SYCP2: variants seen among roughly 807,000 people sequenced by gnomAD.
The protein encoded by SYCP2 is synaptonemal complex protein 2.
A neutral mutation model predicts 211.3 loss-of-function variants in SYCP2; 55 were observed. That is an observed-to-expected ratio of 0.26 (90% confidence interval 0.21 to 0.33). The LOEUF is 0.33. Among genes scored for constraint, SYCP2 ranks in the 10% least tolerant of loss-of-function variants. The pLI is 1.00. For synonymous variants in SYCP2, 570 were observed against 555.2 expected (o/e 1.03, Z -0.37); for missense variants, 1,731 against 1,752.0 (o/e 0.99, Z 0.21).
At chr20:59,915,230 G>A in intron 9 of SYCP2, 31 bp from the exon 10 acceptor site, 1 of 1,478,158 alleles carries the variant, frequency 6.8e-7, no homozygotes, top group South Asian at 1.2e-5. Flanking sequence ...TTACAAAATA[G>A]ACCAGTATCA....
chr20:59,925,871 A>C (rs1005690854), intron 2 of SYCP2, among the ~76,000 whole-genome samples: 3 of 152,020 alleles, frequency 2.0e-5, no homozygotes, highest in Admixed American at 2.0e-4. Context: ...GTTCATTTAG[A>C]TGAAGTGAAG....
chr20:59,900,940 C>A, intron 16 of SYCP2, 122 bp from the exon 17 acceptor site: 1 of 719,202 alleles, frequency 1.4e-6, no homozygotes. Context: ...GCCAAATATC[C>A]CAAATTATTA....
At chr20:59,876,856 G>T (rs1305453533) in intron 33 of SYCP2, among the ~76,000 whole-genome samples, 1 of 151,950 alleles carries the variant, frequency 6.6e-6, no homozygotes, top group Non-Finnish European at 1.5e-5. Flanking sequence ...GAATATTCAA[G>T]TAAACAAAAA....
chr20:59,866,741 G>A (rs753930222), intron 39 of SYCP2, 152 bp from the exon 40 acceptor site: 1 of 596,212 alleles, frequency 1.7e-6, no homozygotes, highest in Non-Finnish European at 2.9e-6. Context: ...TTAAACTGAA[G>A]TGTTAATAGA....
At chr20:59,882,733 C>T (rs1412068944) in intron 26 of SYCP2, among the ~76,000 whole-genome samples, 1 of 151,860 alleles carries the variant, frequency 6.6e-6, no homozygotes, top group Admixed American at 6.6e-5. Context: ...AAAAGTGAAT[C>T]TTATGGAGAT....
intron 2 of SYCP2, among the ~76,000 whole-genome samples, chr20:59,924,323 T>G (rs1220140023): frequency 6.6e-6 from 1 of 152,006 alleles, no homozygotes; most frequent in African/African-American, 2.4e-5. Context: ...TAACTACTTC[T>G]TTGGGTCTTC....
At chr20:59,897,673 A>T (rs1364315244) in intron 18 of SYCP2, among the ~76,000 whole-genome samples, 1 of 152,206 alleles carries the variant, frequency 6.6e-6, no homozygotes, top group African/African-American at 2.4e-5. Context: ...AAAAGACTAA[A>T]AAACAAAATA....
intron 24 of SYCP2, among the ~76,000 whole-genome samples, chr20:59,888,606 CCT>C (rs1491513484): frequency 1.3e-5 from 2 of 151,934 alleles, no homozygotes; most frequent in African/African-American, 2.4e-5. Flanking sequence ...AAAAATGTCC[CCT>C]CTCATTGCTT....
intron 16 of SYCP2, 145 bp from the exon 17 acceptor site, chr20:59,900,963 G>A (rs1368932343): frequency 3.1e-6 from 2 of 643,806 alleles, no homozygotes; most frequent in Non-Finnish European, 5.5e-6. Context: ...TTGCATATAT[G>A]AATACCTTCT....
chr20:59,870,849 C>T (rs1033345066), intron 35 of SYCP2, among the ~76,000 whole-genome samples: 5 of 151,784 alleles, frequency 3.3e-5, no homozygotes, highest in Non-Finnish European at 5.9e-5. Context: ...TAAATTAAGA[C>T]TATTCCACTC....
chr20:59,873,911 T>A lies in SYCP2; in HGVS notation c.3500A>T (p.Lys1167Ile). The A allele has an allele frequency of 6.2e-7, 1 of 1,613,334 alleles. No homozygotes were observed. The highest frequency in any genetic ancestry group is 8.5e-7 in the Non-Finnish European group (1 of 1,179,634). The change falls in exon 35 of 45, where the codon AAA (lysine) becomes ATA (isoleucine). Residue 1167 changes from lysine (K) to isoleucine (I), a missense_variant. This residue lies in a region of SYCP2 where 1,387 missense variants were observed against 1,351.3 expected (regional missense o/e 1.03). Transcript: ENST00000357552. ...GTIKSPKNNE[K>I]NFLCASESCS... ...ACTTTCACTTGCACACAGGAAGTTTTTCTCATTGTTTTTGGGTGACTTTAT... is the reference window on the plus strand; with the variant it reads ...ACTTTCACTTGCACACAGGAAGTTTATCTCATTGTTTTTGGGTGACTTTAT...
At chr20:59,867,995 G>GT (rs371420891) in intron 38 of SYCP2, 148 bp from the exon 39 acceptor site, 74 of 594,744 alleles carry the variant, frequency 1.2e-4, no homozygotes, top group South Asian at 2.2e-4. Flanking sequence ...AGTTCCTTAT[G>GT]TTTTTTTTAA....
chr20:59,903,209 C>CTA (rs1178310812), intron 15 of SYCP2, among the ~76,000 whole-genome samples: 2 of 152,054 alleles, frequency 1.3e-5, no homozygotes, highest in Non-Finnish European at 2.9e-5. Context: ...TCTGTCTGGA[C>CTA]TATATAATGG....
chr20:59,865,353 TATG>T (rs577578292), intron 44 of SYCP2, 32 bp downstream of exon 44: 64 of 1,535,622 alleles, frequency 4.2e-5, no homozygotes, highest in Middle Eastern at 1.7e-4. Context: ...GACATTAAAG[TATG>T]ATTATCCCAT....
At chr20:59,929,862 T>G (rs957750648) in intron 2 of SYCP2, among the ~76,000 whole-genome samples, 4 of 151,966 alleles carry the variant, frequency 2.6e-5, no homozygotes, top group African/African-American at 9.7e-5. Flanking sequence ...GAATTTTAAT[T>G]ATTTATTTAG....
rs377434265 is a variant in SYCP2 at position 59,881,455 on chromosome 20, G to A, written c.2696C>T (p.Ala899Val). The A allele has an allele frequency of 3.4e-5, 53 of 1,537,214 alleles. No homozygotes were observed. The highest frequency in any genetic ancestry group is 9.9e-5 in the African/African-American group (7 of 70,762). Residue 899 changes from alanine (A) to valine (V), a missense_variant, in exon 29 of 45, where the codon GCG becomes GTG. Physicochemically the swap from Ala to Val is moderately conservative, Grantham distance 64. Transcript: ENST00000357552. ...EFQATAKEAC[A>V]DRSIRLVGPR... is the part of the protein sequence containing the mutation. The stretch of plus-strand genomic sequence containing the variant: ...TACCTACAATCTAATTGACCTATCC[G>A]CACAAGCTTCTTTAGCTGTAGCTTG...
At position 59,896,501 on chromosome 20, in the gene SYCP2, A is replaced by C; in HGVS notation, c.1432T>G (p.Ser478Ala). Residue 478 changes from serine (S) to alanine (A), a missense_variant, in exon 19 of 45, where the codon TCT becomes GCT. By Grantham distance (99) the Ser-to-Ala change is moderately conservative (BLOSUM62 1). Transcript: ENST00000357552. ...EKTTPSKRKM[S>A]EASMIVSGAD... ...CCAGAAACAATCATTGATGCTTCAG[A>C]CATTTTTCTTTTGCTAGGAGTAGTT... 6.2e-7 allele frequency: 1 copy of C among 1,610,252 alleles called. No homozygotes were observed. Among genetic ancestry groups the C allele is most frequent in the Non-Finnish European group, 8.5e-7 (1 of 1,177,518 alleles).
chr20:59,910,412 C>T (rs1202372317), intron 14 of SYCP2, among the ~76,000 whole-genome samples: 10 of 130,184 alleles, frequency 7.7e-5, no homozygotes, highest in African/African-American at 3.0e-4. Flanking sequence ...AGACAGTCTC[C>T]CACTGTCGCC....
At chr20:59,905,127 G>A (rs1256469416) in intron 15 of SYCP2, among the ~76,000 whole-genome samples, 4 of 152,208 alleles carry the variant, frequency 2.6e-5, no homozygotes, top group African/African-American at 9.6e-5. Context: ...TAGAAAGGAT[G>A]TAGAACAAAT....
Sources: allele counts gnomAD v4.1 joint callset (sites outside exome capture counted in the v4.1 genomes callset), GRCh38; gene constraint gnomAD v4.1.1; regional missense constraint gnomAD v4.1.1; transcripts MANE v1.5; gene names NCBI Gene and HGNC (gene_info 2026-07-23, HGNC 2026-07-21).